Variants in UNC13C observed in about 807,000 individuals in gnomAD.
The protein encoded by UNC13C is unc-13 homolog C.
A neutral mutation model predicts 245.4 loss-of-function variants in UNC13C; 174 were observed. That is an observed-to-expected ratio of 0.71 (90% CI 0.63 to 0.80). The LOEUF (loss-of-function observed/expected upper bound fraction) is 0.80, where lower values mean the gene tolerates loss of function less well. UNC13C is among the 30% of genes least tolerant of loss of function. The pLI, the probability that UNC13C is intolerant of heterozygous loss-of-function variation, is 0.00. For missense variants in UNC13C, 2,829 were observed against 2,602.9 expected (o/e 1.09, Z -1.89); for synonymous variants, 992 against 895.1 (o/e 1.11, Z -1.93).
At chr15:54,442,500 G>A (rs553624551) in intron 19 of UNC13C, among the ~76,000 whole-genome samples, 10 of 152,120 alleles carry the variant, frequency 6.6e-5, no homozygotes, top group Admixed American at 3.3e-4. Flanking sequence ...TGGGATTACA[G>A]GTGTGAGTCA....
chr15:54,192,655 A>G (rs2034224407), intron 4 of UNC13C, among the ~76,000 whole-genome samples: 1 of 152,028 alleles, frequency 6.6e-6, no homozygotes. Context: ...TCATCATTCC[A>G]AATAATTATT....
At chr15:54,068,387 C>T (rs1898167613) in intron 2 of UNC13C, among the ~76,000 whole-genome samples, 1 of 152,240 alleles carries the variant, frequency 6.6e-6, no homozygotes, top group African/African-American at 2.4e-5. Flanking sequence ...ATGTTCTTCC[C>T]ACTCCACCAC....
At chr15:54,319,543 C>T (rs766332530) in intron 13 of UNC13C, among the ~76,000 whole-genome samples, 4 of 151,872 alleles carry the variant, frequency 2.6e-5, no homozygotes, top group Admixed American at 6.6e-5. Context: ...ATTCGTGATT[C>T]TTAAAGATGC....
chr15:54,501,703 C>T (rs998037524), intron 22 of UNC13C, among the ~76,000 whole-genome samples: 6 of 152,038 alleles, frequency 3.9e-5, no homozygotes, highest in Non-Finnish European at 5.9e-5. Flanking sequence ...TGAGATCAAC[C>T]GTAAATTGAG....
intron 30 of UNC13C, among the ~76,000 whole-genome samples, chr15:54,611,179 TA>T (rs1476586835): frequency 1.3e-5 from 2 of 152,138 alleles, no homozygotes; most frequent in African/African-American, 4.8e-5. Context: ...AGTGGAGTAG[TA>T]TTTGCATATG....
At chr15:54,568,526 T>G (rs1471888868) in intron 30 of UNC13C, among the ~76,000 whole-genome samples, 1 of 152,160 alleles carries the variant, frequency 6.6e-6, no homozygotes, top group African/African-American at 2.4e-5. Context: ...CCTCATAAGC[T>G]TCTAGGATAT....
At chr15:54,544,857 A>C (rs967290004) in intron 26 of UNC13C, among the ~76,000 whole-genome samples, 1 of 152,238 alleles carries the variant, frequency 6.6e-6, no homozygotes, top group East Asian at 1.9e-4. Flanking sequence ...AATATTGTGA[A>C]AATGGCCATA....
the UNC13C span, among the ~76,000 whole-genome samples, chr15:53,873,646 AT>A: frequency 6.6e-6 from 1 of 152,282 alleles, no homozygotes; most frequent in East Asian, 1.9e-4. Context: ...GCACGAAGTG[AT>A]TCTCTTGGAG....
At chr15:54,294,469 G>C (rs952784771) in intron 11 of UNC13C, among the ~76,000 whole-genome samples, 1 of 152,004 alleles carries the variant, frequency 6.6e-6, no homozygotes, top group Non-Finnish European at 1.5e-5. Context: ...AATGTATTTT[G>C]AATTGCTTTC....
chr15:54,379,489 GCCTTTATTATACCTTTTTTAATA>G (rs1263913587), intron 17 of UNC13C, among the ~76,000 whole-genome samples: 1 of 152,014 alleles, frequency 6.6e-6, no homozygotes, highest in Non-Finnish European at 1.5e-5. Context: ...ATCTTTTATA[GCCTTTATTATACCTTTTTTAATA>G]CCTTTATTAT....
chr15:53,913,943 G>A, the UNC13C span: 1 of 152,244 alleles, frequency 6.6e-6, no homozygotes, highest in Non-Finnish European at 1.5e-5. Context: ...TGCACTCAGG[G>A]CAATGTGAAC....
intron 2 of UNC13C, among the ~76,000 whole-genome samples, chr15:54,107,146 A>G (rs1006913935): frequency 1.3e-5 from 2 of 152,182 alleles, no homozygotes; most frequent in African/African-American, 4.8e-5. Context: ...ATTGCGACTA[A>G]TATTTTTGAC....
intron 25 of UNC13C, among the ~76,000 whole-genome samples, chr15:54,528,196 G>C (rs1307068339): frequency 6.6e-6 from 1 of 152,128 alleles, no homozygotes; most frequent in East Asian, 1.9e-4. Flanking sequence ...GCACCTACCT[G>C]GGAACTGAGA....
chr15:53,881,880 A>G, the UNC13C span, among the ~76,000 whole-genome samples: 1 of 152,222 alleles, frequency 6.6e-6, no homozygotes, highest in African/African-American at 2.4e-5. Flanking sequence ...TATAACCCAC[A>G]TGATTACTTT....
intron 2 of UNC13C, among the ~76,000 whole-genome samples, chr15:54,030,247 A>T (rs1896301037): frequency 6.6e-6 from 1 of 152,138 alleles, no homozygotes; most frequent in South Asian, 2.1e-4. Context: ...CGAGGTCATG[A>T]CTATTAATAT....
intron 2 of UNC13C, among the ~76,000 whole-genome samples, chr15:54,061,938 C>A (rs1257642132): frequency 6.6e-6 from 1 of 152,166 alleles, no homozygotes; most frequent in Non-Finnish European, 1.5e-5. Flanking sequence ...ATTTGGGCAG[C>A]CCGTATCAAT....
the UNC13C span, among the ~76,000 whole-genome samples, chr15:53,887,784 A>G: frequency 2.0e-5 from 3 of 151,982 alleles, no homozygotes; most frequent in East Asian, 5.8e-4. Context: ...ACTCCCACTT[A>G]TGAGTGAGAA....
At chr15:54,213,563 A>G (rs1452303737) in intron 4 of UNC13C, among the ~76,000 whole-genome samples, 3 of 152,076 alleles carry the variant, frequency 2.0e-5, no homozygotes, top group African/African-American at 7.2e-5. Flanking sequence ...AATCATTTGC[A>G]CAATCCTGGG....
chr15:53,896,926 T>G, the UNC13C span, among the ~76,000 whole-genome samples: 1 of 152,202 alleles, frequency 6.6e-6, no homozygotes, highest in Non-Finnish European at 1.5e-5. Flanking sequence ...CTCCTAACTT[T>G]TTCTCTAATG....
Sources: gnomAD v4.1 joint callset for allele counts (sites outside exome capture counted in the v4.1 genomes callset) on GRCh38, gnomAD v4.1.1 for gene constraint, MANE v1.5 for transcripts, NCBI Gene and HGNC (gene_info 2026-07-23, HGNC 2026-07-21) for gene names.